The following OPCML variants were observed in gnomAD, a reference collection of about 807,000 sequenced individuals.
OPCML encodes the protein opioid binding protein/cell adhesion molecule like.
A neutral mutation model predicts 37.8 loss-of-function variants in OPCML; 13 were observed. That is an observed-to-expected ratio of 0.34 (90% CI 0.22 to 0.55). OPCML has a LOEUF of 0.55. OPCML is among the 20% of genes least tolerant of loss of function. OPCML has a pLI of 0.91. For synonymous variants in OPCML, 176 were observed against 168.8 expected (o/e 1.04, Z -0.33); for missense variants, 341 against 435.6 (o/e 0.78, Z 1.93).
rs528120926 is a variant in OPCML, at chr11:133,206,982, C to T, written c.62-263972G>A. Among the ~76,000 whole-genome samples the T allele has an allele frequency of 1.7e-4, 26 of 152,096 alleles. No homozygotes were observed. The highest frequency in any genetic ancestry group is 4.8e-4 in the African/African-American group (20 of 41,498). On this transcript the variant is annotated intron_variant, in intron 1 of 7. Coordinates refer to ENST00000524381, the MANE Select transcript of OPCML (RefSeq NM_001012393.5). The surrounding 1 kb of genome is among the most constrained non-coding windows in gnomAD (Gnocchi z 4.7). ...GCACTCACGTGATCTCTCAGAGGAA[C>T]GCCATAGAAAATCTCCTTCTAAGAG...
intron 1 of OPCML, among the ~76,000 whole-genome samples, chr11:133,223,207 C>T (rs115481001): frequency 0.032 from 4,889 of 152,224 alleles, 101 homozygotes; most frequent in East Asian, 0.093. Flanking sequence ...CTGTCTTCAC[C>T]GCCCAGTGCA....
chr11:133,503,696 G>A (rs1947964923), intron 1 of OPCML, among the ~76,000 whole-genome samples: 1 of 152,200 alleles, frequency 6.6e-6, no homozygotes, highest in South Asian at 2.1e-4. Context: ...GGGTCAGGCT[G>A]GGAGCTTTCC....
At chr11:132,556,710 A>C (rs946515225) in intron 3 of OPCML, among the ~76,000 whole-genome samples, 1 of 151,898 alleles carries the variant, frequency 6.6e-6, no homozygotes, top group Non-Finnish European at 1.5e-5. Flanking sequence ...CTTCCAGAAC[A>C]CTCACCCTCG....
intron 2 of OPCML, among the ~76,000 whole-genome samples, chr11:132,676,230 G>A (rs1040070953): frequency 1.3e-5 from 2 of 152,112 alleles, no homozygotes; most frequent in Middle Eastern, 3.2e-3. Context: ...GGGACAGCTG[G>A]ATGTCCACAC....
chr11:133,301,594 T>A (rs907533821), intron 1 of OPCML: 19 of 152,222 alleles, frequency 1.2e-4, no homozygotes, highest in Admixed American at 1.1e-3. Flanking sequence ...AAGTCTTTCT[T>A]GGCTTTATTT....
At chr11:132,789,438 G>T (rs973524562) in intron 2 of OPCML, among the ~76,000 whole-genome samples, 3 of 152,172 alleles carry the variant, frequency 2.0e-5, no homozygotes, top group Admixed American at 1.3e-4. Context: ...CTTAGAAAAA[G>T]AGTTGAAAAT....
intron 4 of OPCML, among the ~76,000 whole-genome samples, chr11:132,474,280 T>G (rs961881598): frequency 7.1e-6 from 1 of 141,538 alleles, no homozygotes; most frequent in Non-Finnish European, 1.6e-5. Flanking sequence ...GTTTTTACCC[T>G]GTTTATAATT....
chr11:133,322,993 A>C (rs962912688), intron 1 of OPCML, among the ~76,000 whole-genome samples: 15 of 152,234 alleles, frequency 9.9e-5, no homozygotes, highest in African/African-American at 3.4e-4. Flanking sequence ...ACAGACATTA[A>C]ATTGAAAAGA....
At chr11:132,806,571 G>A (rs1939024618) in intron 2 of OPCML, among the ~76,000 whole-genome samples, 1 of 152,100 alleles carries the variant, frequency 6.6e-6, no homozygotes, top group Non-Finnish European at 1.5e-5. Context: ...TCTTAAATAT[G>A]TATTCACCTA....
intron 1 of OPCML, among the ~76,000 whole-genome samples, chr11:133,309,181 G>C (rs1022779613): frequency 3.9e-5 from 6 of 152,142 alleles, no homozygotes; most frequent in African/African-American, 1.4e-4. Flanking sequence ...TATTTACAAA[G>C]GGAATAAAGT....
At chr11:133,285,486 T>C (rs1175845874) in intron 1 of OPCML, among the ~76,000 whole-genome samples, 1 of 152,168 alleles carries the variant, frequency 6.6e-6, no homozygotes, top group Admixed American at 6.5e-5. Context: ...CTGTGATCCA[T>C]TATAATGCTT....
chr11:133,290,017 CA>C (rs1942432518), intron 1 of OPCML, among the ~76,000 whole-genome samples: 1 of 152,182 alleles, frequency 6.6e-6, no homozygotes, highest in Admixed American at 6.5e-5. Flanking sequence ...ACCCTTTTCC[CA>C]GTGGAAAAAG....
At chr11:133,009,075 G>A (rs1445096887) in intron 1 of OPCML, 1 of 985,220 alleles carries the variant, frequency 1.0e-6, no homozygotes, top group Non-Finnish European at 1.2e-6. Flanking sequence ...AAGTCTACAT[G>A]TATGGGCAGG....
At position 132,484,535 on chromosome 11, in the gene OPCML, C is replaced by A. The variant is rs112223207; in HGVS notation, c.505+44526G>T. Reference sequence around the variant, plus strand: ...CAATTCCTCAGGGATCTAGAACTAGCAATACCATTTGACCCAGCCATCCCA... The same window carrying A: ...CAATTCCTCAGGGATCTAGAACTAGAAATACCATTTGACCCAGCCATCCCA... On this transcript the variant is annotated intron_variant, in intron 4 of 7. Coordinates refer to ENST00000524381, the MANE Select transcript of OPCML (RefSeq NM_001012393.5). Among the ~76,000 whole-genome samples the A allele has an allele frequency of 7.0e-4, 107 of 152,258 alleles. No individual in the cohort carries two copies. The East Asian group carries it at 0.016, about 23-fold the overall frequency.
At chr11:132,658,622 C>T (rs1474262221) in intron 2 of OPCML, among the ~76,000 whole-genome samples, 1 of 152,214 alleles carries the variant, frequency 6.6e-6, no homozygotes, top group Non-Finnish European at 1.5e-5. Context: ...TATGAGCTGG[C>T]CCATCTGCCC....
intron 1 of OPCML, among the ~76,000 whole-genome samples, chr11:133,017,064 A>T (rs1486372743): frequency 2.0e-5 from 3 of 152,126 alleles, no homozygotes. Context: ...GAATTCTAAG[A>T]CCAAGGTGCC....
At chr11:132,946,744 G>A (rs1347517063) in intron 1 of OPCML, among the ~76,000 whole-genome samples, 1 of 152,196 alleles carries the variant, frequency 6.6e-6, no homozygotes, top group African/African-American at 2.4e-5. Flanking sequence ...GTGATGCAGA[G>A]AGGAGAGGCT....
chr11:133,050,442 C>T (rs1948108651), intron 1 of OPCML, among the ~76,000 whole-genome samples: 1 of 152,154 alleles, frequency 6.6e-6, no homozygotes, highest in South Asian at 2.1e-4. Flanking sequence ...GAAAAGTTGA[C>T]CTCAGTTTCC....
intron 3 of OPCML, among the ~76,000 whole-genome samples, chr11:132,543,429 C>T (rs977289838): frequency 2.0e-5 from 3 of 152,048 alleles, no homozygotes; most frequent in Non-Finnish European, 4.4e-5. Flanking sequence ...AGGAGAACTG[C>T]TTGAACCCAA....
Sources: allele counts gnomAD v4.1 joint callset (sites outside exome capture counted in the v4.1 genomes callset), GRCh38; gene constraint gnomAD v4.1.1; non-coding constraint Gnocchi (gnomAD v3.1); transcripts MANE v1.5; gene names NCBI Gene and HGNC (gene_info 2026-07-23, HGNC 2026-07-21).